Variants in NEGR1 observed in about 807,000 individuals in gnomAD.
NEGR1 encodes IgLON family member 4.
In NEGR1, 10 loss-of-function variants were observed where a neutral mutation model predicts 40.9. The ratio of observed to expected loss-of-function variants is 0.24; its 90% confidence interval spans 0.15 to 0.42. NEGR1 has a LOEUF of 0.42. Ranked by LOEUF, NEGR1 falls within the 10% of genes least tolerant of loss-of-function variation. The pLI, the probability that NEGR1 is intolerant of heterozygous loss-of-function variation, is 1.00. For missense variants in NEGR1, 352 were observed against 438.9 expected (o/e 0.80, Z 1.77); for synonymous variants, 185 against 166.8 (o/e 1.11, Z -0.84).
chr1:71,668,479 G>A (rs1334237946), intron 4 of NEGR1, among the ~76,000 whole-genome samples: 1 of 152,100 alleles, frequency 6.6e-6, no homozygotes, highest in Non-Finnish European at 1.5e-5. Context: ...AGGGCTCATT[G>A]GATAACTATT....
intron 6 of NEGR1, among the ~76,000 whole-genome samples, chr1:71,540,575 A>T (rs1315222434): frequency 6.6e-6 from 1 of 151,704 alleles, no homozygotes; most frequent in Non-Finnish European, 1.5e-5. Flanking sequence ...TTAGCAAAAG[A>T]CCCTATGCTT....
intron 3 of NEGR1, chr1:71,738,348 C>T: frequency 4.3e-6 from 1 of 231,888 alleles, no homozygotes; most frequent in Non-Finnish European, 9.2e-6. Context: ...AGAAACATCC[C>T]CAGTGACAAC....
intron 5 of NEGR1, among the ~76,000 whole-genome samples, chr1:71,595,964 A>G (rs556111066): frequency 1.1e-3 from 160 of 152,186 alleles, no homozygotes; most frequent in African/African-American, 3.8e-3. Context: ...CTGTAAAAAG[A>G]ATCATTCTTA....
chr1:71,605,595 A>C (rs1650052304), intron 5 of NEGR1, among the ~76,000 whole-genome samples: 1 of 152,242 alleles, frequency 6.6e-6, no homozygotes. Flanking sequence ...TCATATCACC[A>C]AAAACGTTTG....
intron 6 of NEGR1, among the ~76,000 whole-genome samples, chr1:71,493,138 C>A (rs1646940391): frequency 6.6e-6 from 1 of 152,192 alleles, no homozygotes; most frequent in East Asian, 1.9e-4. Context: ...ATTACCATCG[C>A]CCTACTCCAA....
At chr1:71,550,087 T>C (rs1033699496) in intron 6 of NEGR1, among the ~76,000 whole-genome samples, 1 of 151,666 alleles carries the variant, frequency 6.6e-6, no homozygotes, top group African/African-American at 2.4e-5. Context: ...TTTAACAGTA[T>C]TGTGGGACAA....
chr1:72,235,456 A>G (rs1654517063), intron 1 of NEGR1, among the ~76,000 whole-genome samples: 1 of 152,096 alleles, frequency 6.6e-6, no homozygotes, highest in African/African-American at 2.4e-5. Context: ...AGTAGAATAC[A>G]GGATGAACTT....
chr1:71,485,081 C>A (rs181782307), intron 6 of NEGR1, among the ~76,000 whole-genome samples: 1 of 151,552 alleles, frequency 6.6e-6, no homozygotes, highest in Admixed American at 6.6e-5. Context: ...AATAATTGTC[C>A]CCAAGCTTGA....
intron 6 of NEGR1, among the ~76,000 whole-genome samples, chr1:71,510,175 C>T (rs1172625126): frequency 1.3e-5 from 2 of 152,184 alleles, no homozygotes; most frequent in Non-Finnish European, 2.9e-5. Context: ...GTCTTAACAG[C>T]AGTGGGATGT....
chr1:71,527,515 T>G (rs1203687592), intron 6 of NEGR1, among the ~76,000 whole-genome samples: 1 of 151,504 alleles, frequency 6.6e-6, no homozygotes, highest in Non-Finnish European at 1.5e-5. Context: ...AGTAAATAAA[T>G]AGATAAATTA....
chr1:72,100,103 A>G lies in NEGR1; in HGVS notation c.177-164792T>C, dbSNP rs563950965. Among the ~76,000 whole-genome samples the G allele has an allele frequency of 3.3e-5, 5 of 152,290 alleles. No homozygotes were observed. In the East Asian group the frequency reaches 5.8e-4, roughly 18 times the overall value. On this transcript the variant is annotated intron_variant, in intron 1 of 6. Transcript: ENST00000357731. ...CTTTTAAGGACTAAAGTAACTTTTT[A>G]AAATGCACTTGTAAATTCTGTCTGA... is the stretch of plus-strand genomic sequence containing the variant.
chr1:72,263,301 T>C (rs770206226), intron 1 of NEGR1, among the ~76,000 whole-genome samples: 9 of 151,878 alleles, frequency 5.9e-5, no homozygotes, highest in Non-Finnish European at 1.3e-4. Context: ...ATAGTCATAT[T>C]AAAGAGAAGT....
intron 1 of NEGR1, among the ~76,000 whole-genome samples, chr1:72,219,300 G>A (rs1168352726): frequency 1.3e-5 from 2 of 152,066 alleles, no homozygotes; most frequent in East Asian, 1.9e-4. Context: ...TGATGGTAAA[G>A]GGCTTGCCAT....
intron 2 of NEGR1, chr1:71,836,897 G>A (rs900895383): frequency 2.0e-5 from 3 of 152,046 alleles, no homozygotes; most frequent in Non-Finnish European, 4.4e-5. Context: ...AAGAAAGGAA[G>A]GAAGGAAGAG....
chr1:72,058,848 C>CT (rs1387555169), intron 1 of NEGR1, among the ~76,000 whole-genome samples: 1 of 151,506 alleles, frequency 6.6e-6, no homozygotes, highest in Non-Finnish European at 1.5e-5. Flanking sequence ...CCTTTAATTC[C>CT]TTTCATGCAC....
At chr1:71,460,845 T>C (rs1172031839) in intron 6 of NEGR1, among the ~76,000 whole-genome samples, 1 of 152,194 alleles carries the variant, frequency 6.6e-6, no homozygotes, top group Non-Finnish European at 1.5e-5. Context: ...TTGCCTACTT[T>C]GCAATTTGCC....
intron 4 of NEGR1, among the ~76,000 whole-genome samples, chr1:71,634,202 A>G (rs1389496478): frequency 1.3e-5 from 2 of 152,056 alleles, no homozygotes; most frequent in Non-Finnish European, 2.9e-5. Context: ...CCATTATTCT[A>G]CAGGTGAGCA....
intron 2 of NEGR1, among the ~76,000 whole-genome samples, chr1:71,830,361 A>G (rs1371985832): frequency 6.6e-6 from 1 of 151,954 alleles, no homozygotes; most frequent in Non-Finnish European, 1.5e-5. Context: ...GAACCATAAT[A>G]TCTGTCACAA....
chr1:71,807,165 G>A (rs540425936), intron 2 of NEGR1, among the ~76,000 whole-genome samples: 159 of 151,750 alleles, frequency 1.0e-3, no homozygotes, highest in Non-Finnish European at 1.8e-3. Flanking sequence ...CAAAGTGCTG[G>A]GATTACAGGT....
Sources: gnomAD v4.1 joint callset for allele counts (sites outside exome capture counted in the v4.1 genomes callset) on GRCh38, gnomAD v4.1.1 for gene constraint, MANE v1.5 for transcripts, NCBI Gene and HGNC (gene_info 2026-07-23, HGNC 2026-07-21) for gene names.